The following ALKBH3 variants were observed in gnomAD, a reference collection of about 807,000 sequenced individuals.
ALKBH3 encodes alkB homolog 3, alpha-ketoglutarate dependent dioxygenase, also known as alpha-ketoglutarate-dependent dioxygenase alkB homolog 3.
ALKBH3 carries 51 observed loss-of-function variants against 43.9 expected under a neutral mutation model. The observed-to-expected ratio is 1.16, with a 90% CI of 0.93 to 1.47. The LOEUF (loss-of-function observed/expected upper bound fraction) is 1.47, where lower values mean the gene tolerates loss of function less well. Ranked by LOEUF, ALKBH3 falls within the 40% of genes most tolerant of loss-of-function variation. The pLI is 0.00. For synonymous variants in ALKBH3, 102 were observed against 115.2 expected (o/e 0.89, Z 0.73); for missense variants, 361 against 351.9 (o/e 1.03, Z -0.21).
chr11:43,881,169 G>T lies in ALKBH3; in HGVS notation c.-81G>T, dbSNP rs1951708209. The T allele has an allele frequency of 6.6e-6, 1 of 152,310 alleles. No homozygotes were observed. The highest frequency in any genetic ancestry group is 2.1e-4 in the South Asian group (1 of 4,840). 9.4% of individuals were successfully genotyped at this position (152,310 alleles called of 1,614,324 possible). A position where few individuals can be genotyped will look rare whatever the true frequency, so the allele number is the denominator to read the frequency against. On this transcript the variant is annotated 5_prime_UTR_variant, in exon 1 of 10. Transcript: ENST00000302708. The stretch of plus-strand genomic sequence containing the variant: ...GCCCTGTTTACTGAGGAAAAACTGG[G>T]GCTCAGAAAGGTGAAGTCATTTGCC...
At chr11:43,900,469 G>A (rs4755754) in intron 7 of ALKBH3, among the ~76,000 whole-genome samples, 36,025 of 151,848 alleles carry the variant, frequency 0.24, 4,784 homozygotes, top group Admixed American at 0.4. Flanking sequence ...TGATCCACCC[G>A]CCTCGGCCTC....
intron 7 of ALKBH3, among the ~76,000 whole-genome samples, chr11:43,900,065 ATTAAT>A (rs1951850737): frequency 1.2e-5 from 1 of 86,260 alleles, no homozygotes; most frequent in Non-Finnish European, 2.6e-5. Flanking sequence ...GCTCTCTTCT[ATTAAT>A]TTAGATATTA....
intron 8 of ALKBH3, among the ~76,000 whole-genome samples, chr11:43,906,815 C>G (rs149856961): frequency 2.0e-5 from 3 of 152,190 alleles, no homozygotes; most frequent in African/African-American, 7.2e-5. Context: ...GTTGTATTTC[C>G]TGTTTCTATC....
At chr11:43,919,539 A>T (rs1392079607) in intron 9 of ALKBH3, 1 of 275,176 alleles carries the variant, frequency 3.6e-6, no homozygotes, top group Non-Finnish European at 6.8e-6. Flanking sequence ...TGCCATTTTT[A>T]GGCCAGATCA....
chr11:43,919,857 G>T (rs550044385), intron 9 of ALKBH3, 61 bp from the exon 10 acceptor site: 3 of 1,443,240 alleles, frequency 2.1e-6, no homozygotes, highest in Non-Finnish European at 9.7e-7. Context: ...GTTTTAAGTC[G>T]CTTTGAACTA....
chr11:43,886,756 T>C (rs1440051113), intron 5 of ALKBH3, 103 bp downstream of exon 5: 3 of 1,107,838 alleles, frequency 2.7e-6, no homozygotes, highest in Non-Finnish European at 2.7e-6. Context: ...ATATACATTA[T>C]GGAATACTAT....
intron 1 of ALKBH3, 119 bp downstream of exon 1, chr11:43,881,298 A>AT (rs1951709221): frequency 6.6e-6 from 1 of 152,286 alleles, no homozygotes; most frequent in South Asian, 2.1e-4. Context: ...CTTTATGTGC[A>AT]TTAAGAATTC....
intron 7 of ALKBH3, chr11:43,899,464 C>T: frequency 1.4e-6 from 1 of 703,082 alleles, no homozygotes; most frequent in Non-Finnish European, 2.7e-6. Context: ...TCAGAGGTTC[C>T]ATGACGAGCC....
chr11:43,893,463 C>T (rs1951797794), intron 7 of ALKBH3, among the ~76,000 whole-genome samples: 1 of 152,304 alleles, frequency 6.6e-6, no homozygotes, highest in East Asian at 1.9e-4. Flanking sequence ...TTTGACAACT[C>T]TTCAAAATAA....
At position 43,883,200 on chromosome 11, in the gene ALKBH3, GT is replaced by G. The variant is rs1240948332; in HGVS notation, c.183+18del. On this transcript the variant is annotated intron_variant, in intron 3 of 9. Transcript: ENST00000302708. ...AAGAACCTCAGCAGGTAAATTCATG[GT>G]TTTTTCTTCAATAGTGATAAAAATT... 5.6e-6 allele frequency: 9 copies of G among 1,602,748 alleles called. No individual in the cohort carries two copies. The African/African-American group carries it at 1.1e-4, about 19-fold the overall frequency.
chr11:43,898,636 A>G (rs975727988), intron 7 of ALKBH3: 1 of 732,678 alleles, frequency 1.4e-6, no homozygotes, highest in African/African-American at 1.7e-5. Flanking sequence ...AGGGGTGAAC[A>G]TGCGCCACTT....
chr11:43,898,236 C>G (rs2460131), intron 7 of ALKBH3: 523,858 of 891,796 alleles, frequency 0.59, 158,637 homozygotes, highest in East Asian at 0.69. Flanking sequence ...TCCAGGAGAC[C>G]CACAAGGGTG....
At position 43,920,035 on chromosome 11, in the gene ALKBH3, T is replaced by G; in HGVS notation, c.*25T>G. On this transcript the variant is annotated 3_prime_UTR_variant, in exon 10 of 10. Transcript: ENST00000302708. ...ACGTCAGAGCTTTGAGAGAGAAGCT[T>G]CACTGAAACGGAGCAAACCTTCCAC... The G allele has an allele frequency of 6.3e-7, 1 of 1,596,100 alleles. No individual in the cohort carries two copies. The highest frequency in any genetic ancestry group is 8.6e-7 in the Non-Finnish European group (1 of 1,164,130).
At chr11:43,895,128 A>G (rs1344248563) in intron 7 of ALKBH3, among the ~76,000 whole-genome samples, 1 of 152,206 alleles carries the variant, frequency 6.6e-6, no homozygotes, top group Non-Finnish European at 1.5e-5. Flanking sequence ...TTACCTGACA[A>G]CCATGGGATA....
chr11:43,894,679 A>G (rs1951806122), intron 7 of ALKBH3, among the ~76,000 whole-genome samples: 1 of 152,230 alleles, frequency 6.6e-6, no homozygotes, highest in Non-Finnish European at 1.5e-5. Flanking sequence ...TTCCTCCTTT[A>G]CATTCTTGTT....
At chr11:43,892,694 A>C (rs2135183450) in intron 7 of ALKBH3, among the ~76,000 whole-genome samples, 1 of 152,350 alleles carries the variant, frequency 6.6e-6, no homozygotes, top group African/African-American at 2.4e-5. Context: ...CAGGGGATAG[A>C]GTTAAGGTCC....
intron 7 of ALKBH3, among the ~76,000 whole-genome samples, chr11:43,895,064 A>G (rs567775114): frequency 1.1e-4 from 16 of 152,286 alleles, no homozygotes; most frequent in African/African-American, 3.9e-4. Flanking sequence ...ATCTTTAACC[A>G]TGGTTTTCAC....
chr11:43,906,136 C>T (rs1050520056), intron 8 of ALKBH3, among the ~76,000 whole-genome samples: 1 of 152,200 alleles, frequency 6.6e-6, no homozygotes, highest in Non-Finnish European at 1.5e-5. Context: ...AACCACTCCT[C>T]TTTTTAGCCC....
intron 8 of ALKBH3, 71 bp from the exon 9 acceptor site, chr11:43,918,967 A>T: frequency 1.7e-6 from 2 of 1,210,790 alleles, no homozygotes; most frequent in Non-Finnish European, 2.4e-6. Flanking sequence ...TTTTTTTTTG[A>T]CCTCTGTCAG....
Sources: gnomAD v4.1 joint callset for allele counts (sites outside exome capture counted in the v4.1 genomes callset) on GRCh38, gnomAD v4.1.1 for gene constraint, MANE v1.5 for transcripts, NCBI Gene and HGNC (gene_info 2026-07-23, HGNC 2026-07-21) for gene names.